The following CRYZL1 variants were observed in gnomAD, a reference collection of about 807,000 sequenced individuals.
CRYZL1 encodes the protein ferry endosomal RAB5 effector complex subunit 4.
Under a neutral mutation model 50.6 loss-of-function variants are expected in CRYZL1, and 34 were observed. That is an observed-to-expected ratio of 0.67 (90% CI 0.51 to 0.89). The LOEUF (loss-of-function observed/expected upper bound fraction) is 0.89, where lower values mean the gene tolerates loss of function less well. Ranked by LOEUF, CRYZL1 falls within the 40% of genes least tolerant of loss-of-function variation. The pLI is 0.00. For missense variants in CRYZL1, 354 were observed against 402.3 expected (o/e 0.88, Z 1.03); for synonymous variants, 125 against 134.3 (o/e 0.93, Z 0.48).
chr21:33,632,160 TAA>T (rs753671237), intron 1 of CRYZL1, among the ~76,000 whole-genome samples: 17 of 90,886 alleles, frequency 1.9e-4, no homozygotes, highest in African/African-American at 1.6e-4. Context: ...CCATCTCTAC[TAA>T]AAAAAAAAAA....
intron 1 of CRYZL1, among the ~76,000 whole-genome samples, chr21:33,638,514 G>C (rs2087238526): frequency 1.3e-5 from 2 of 152,130 alleles, no homozygotes; most frequent in South Asian, 4.1e-4. Context: ...CACTTGGCCT[G>C]CTTCTTAAAG....
chr21:33,629,645 G>A (rs903494104), intron 2 of CRYZL1, among the ~76,000 whole-genome samples: 28 of 152,216 alleles, frequency 1.8e-4, no homozygotes, highest in African/African-American at 6.5e-4. Flanking sequence ...AGTCTGTAGG[G>A]TTTTCTATAT....
chr21:33,602,393 C>A, intron 7 of CRYZL1, 48 bp from the exon 8 acceptor site: 1 of 764,468 alleles, frequency 1.3e-6, no homozygotes, highest in Non-Finnish European at 2.2e-6. Context: ...AGAACAGAGG[C>A]CATATCGAAT....
intron 4 of CRYZL1, among the ~76,000 whole-genome samples, chr21:33,621,673 G>C (rs2087004284): frequency 1.3e-5 from 2 of 152,040 alleles, no homozygotes; most frequent in Admixed American, 6.6e-5. Context: ...GAAAATTCAC[G>C]AATTTGTGTT....
chr21:33,638,257 G>C lies in CRYZL1; in HGVS notation c.-7+3424C>G, dbSNP rs1215554185. 3.5e-5 allele frequency among the ~76,000 whole-genome samples: 5 copies of C among 144,752 alleles called. No individual in the cohort carries two copies. The East Asian group carries it at 1.0e-3, about 29-fold the overall frequency. 95.0% of individuals were successfully genotyped at this position (144,752 alleles called of 152,430 possible). ...ATACGGAGTTTTGCTCTGTCACCCA[G>C]GCTGGAGTGCAGCTGCATAATCTTG... On this transcript the variant is annotated intron_variant, in intron 1 of 12. Transcript: ENST00000381554.
intron 2 of CRYZL1, among the ~76,000 whole-genome samples, chr21:33,627,288 G>A (rs1047410289): frequency 2.8e-4 from 43 of 152,092 alleles, no homozygotes; most frequent in African/African-American, 1.0e-3. Context: ...GGTAGAAATA[G>A]GGGTCTCACT....
rs188262883 is a variant in CRYZL1, at chr21:33,603,830, C to T, written c.332-293G>A. On this transcript the variant is annotated intron_variant, in intron 6 of 12. Transcript: ENST00000381554. ...ATATAAAGGAAATATGCAAAGTTAA[C>T]GGTATACCATCCTGGTGGAGAGAGA... is the stretch of plus-strand genomic sequence containing the variant. Among the ~76,000 whole-genome samples, 246 of 152,332 alleles carry T rather than the reference C, an allele frequency of 1.6e-3. 1 individual carries two copies. The Middle Eastern group carries it at 0.024, about 15-fold the overall frequency.
intron 1 of CRYZL1, among the ~76,000 whole-genome samples, chr21:33,634,095 A>G (rs188102142): frequency 1.3e-3 from 204 of 152,388 alleles, no homozygotes; most frequent in South Asian, 1.0e-3. Flanking sequence ...GCATGTATCA[A>G]TGAAGTATAT....
At chr21:33,639,735 CAAGAG>C (rs2087253734) in intron 1 of CRYZL1, 1 of 151,310 alleles carries the variant, frequency 6.6e-6, no homozygotes, top group African/African-American at 2.4e-5. Context: ...ATTCAAAAAT[CAAGAG>C]AAAATAATTT....
intron 6 of CRYZL1, among the ~76,000 whole-genome samples, chr21:33,605,671 A>C (rs2086805124): frequency 6.6e-6 from 1 of 150,574 alleles, no homozygotes; most frequent in African/African-American, 2.4e-5. Context: ...ACAGGTGCAC[A>C]CCACCAGGCC....
intron 8 of CRYZL1, among the ~76,000 whole-genome samples, chr21:33,601,282 T>C (rs897780794): frequency 2.0e-5 from 3 of 152,068 alleles, no homozygotes; most frequent in Admixed American, 2.0e-4. Context: ...TTTTTCCTTT[T>C]CTCCTCCTTT....
chr21:33,599,289 T>C (rs1026681833), intron 8 of CRYZL1, 41 bp from the exon 9 acceptor site: 17 of 1,613,410 alleles, frequency 1.1e-5, no homozygotes, highest in Non-Finnish European at 1.4e-5. Flanking sequence ...CTGTTCTCTA[T>C]GTGATCAACA....
chr21:33,597,470 T>G (rs1371808752), intron 9 of CRYZL1, 69 bp from the exon 10 acceptor site: 11 of 1,237,594 alleles, frequency 8.9e-6, no homozygotes, highest in Non-Finnish European at 1.2e-5. Context: ...TGACAAAAAT[T>G]TATTCTTCAA....
At chr21:33,627,192 C>T (rs1303911850) in intron 2 of CRYZL1, among the ~76,000 whole-genome samples, 1 of 152,140 alleles carries the variant, frequency 6.6e-6, no homozygotes, top group African/African-American at 2.4e-5. Flanking sequence ...GCTCTATCAC[C>T]CAGGCTGGAG....
At chr21:33,597,195 C>A in intron 10 of CRYZL1, 85 bp downstream of exon 10, 1 of 1,361,874 alleles carries the variant, frequency 7.3e-7, no homozygotes, top group Non-Finnish European at 1.0e-6. Context: ...TTTAGTCATA[C>A]CTTGCCTCAA....
intron 6 of CRYZL1, among the ~76,000 whole-genome samples, chr21:33,603,821 C>T (rs1460806849): frequency 6.6e-6 from 1 of 152,204 alleles, no homozygotes; most frequent in African/African-American, 2.4e-5. Flanking sequence ...AGGAAATATG[C>T]AAAGTTAACG....
intron 4 of CRYZL1, among the ~76,000 whole-genome samples, chr21:33,619,150 C>A (rs1301392977): frequency 6.6e-6 from 1 of 152,200 alleles, no homozygotes. Context: ...GGTTCCAATT[C>A]AAGCCTGAAC....
At chr21:33,636,928 TC>T (rs2087213247) in intron 1 of CRYZL1, among the ~76,000 whole-genome samples, 1 of 152,136 alleles carries the variant, frequency 6.6e-6, no homozygotes, top group South Asian at 2.1e-4. Context: ...TGTTTCAGCT[TC>T]CCGAGTAGCT....
At chr21:33,633,821 T>G (rs2087169057) in intron 1 of CRYZL1, 1 of 152,214 alleles carries the variant, frequency 6.6e-6, no homozygotes, top group Admixed American at 6.5e-5. Context: ...TGTCTAGAAA[T>G]TATTAGAATT....
Sources: allele counts gnomAD v4.1 joint callset (sites outside exome capture counted in the v4.1 genomes callset), GRCh38; gene constraint gnomAD v4.1.1; transcripts MANE v1.5; gene names NCBI Gene and HGNC (gene_info 2026-07-23, HGNC 2026-07-21).